The following GLT8D2 variants were observed in gnomAD, a reference collection of about 807,000 sequenced individuals.
The protein encoded by GLT8D2 is glycosyltransferase 8 domain-containing protein 2.
Under a neutral mutation model 44.5 loss-of-function variants are expected in GLT8D2, and 45 were observed. The observed-to-expected ratio is 1.01, with a 90% CI of 0.80 to 1.30. The LOEUF is 1.30. GLT8D2 is among the 50% of genes most tolerant of loss of function. GLT8D2 has a pLI of 0.00. For synonymous variants in GLT8D2, 156 were observed against 157.2 expected, an observed-to-expected ratio of 0.99 and a Z score of 0.06; for missense variants, 400 against 430.4, an observed-to-expected ratio of 0.93 and a Z score of 0.62.
At chr12:104,012,469 T>C (rs561350267) in intron 4 of GLT8D2, 8 of 213,216 alleles carry the variant, frequency 3.8e-5, no homozygotes, top group Non-Finnish European at 6.4e-5. Flanking sequence ...GTGCATTTCT[T>C]TGGAGCTGTT....
chr12:104,047,305 C>CT (rs35333809), intron 1 of GLT8D2, among the ~76,000 whole-genome samples: 15,595 of 130,784 alleles, frequency 0.12, 1,722 homozygotes, highest in East Asian at 0.41. Context: ...TCTCTTAGGC[C>CT]TTTTTTTTTT....
chr12:104,048,964 T>C (rs1881448606), intron 1 of GLT8D2, among the ~76,000 whole-genome samples: 1 of 152,174 alleles, frequency 6.6e-6, no homozygotes, highest in African/African-American at 2.4e-5. Flanking sequence ...GTAGATTCAG[T>C]CCTGTAAGCC....
chr12:103,991,166 A>G (rs1009136118), intron 10 of GLT8D2, among the ~76,000 whole-genome samples: 1 of 152,084 alleles, frequency 6.6e-6, no homozygotes, highest in African/African-American at 2.4e-5. Flanking sequence ...GTCCCTTCCT[A>G]CTTGTCAGTA....
At chr12:104,030,842 T>G (rs1204154404) in intron 1 of GLT8D2, 1 of 1,589,426 alleles carries the variant, frequency 6.3e-7, no homozygotes, top group Non-Finnish European at 8.6e-7. Context: ...GGAGAACCGC[T>G]TCAGCGGCTG....
At chr12:103,989,657 G>A in intron 10 of GLT8D2, 80 bp from the exon 11 acceptor site, 1 of 1,267,620 alleles carries the variant, frequency 7.9e-7, no homozygotes, top group South Asian at 1.5e-5. Context: ...CAAGTTCATA[G>A]TTTAAAAAAA....
chr12:104,006,757 G>A (rs965984482), intron 4 of GLT8D2, among the ~76,000 whole-genome samples: 2 of 152,192 alleles, frequency 1.3e-5, no homozygotes, highest in African/African-American at 4.8e-5. Flanking sequence ...GGGTCATAGT[G>A]TTGGATTCTA....
intron 1 of GLT8D2, among the ~76,000 whole-genome samples, chr12:104,027,898 A>T (rs1878773114): frequency 1.3e-5 from 2 of 152,188 alleles, no homozygotes; most frequent in South Asian, 4.1e-4. Flanking sequence ...GGTTAGGAGA[A>T]TTGGGGTCCA....
In GLT8D2 at chr12:103,989,380, C is replaced by A; in HGVS notation, c.*28G>T. 6.4e-7 allele frequency: 1 copy of A among 1,556,184 alleles called. No homozygotes were observed. Reference sequence around the variant, plus strand: ...AAAGGGACAATTCCACATTTCTATACAGGGAATATTTTAAGGGTAGAGTTA... The same window carrying A: ...AAAGGGACAATTCCACATTTCTATAAAGGGAATATTTTAAGGGTAGAGTTA... On this transcript the variant is annotated 3_prime_UTR_variant, in exon 11 of 11. Transcript: ENST00000360814.
intron 4 of GLT8D2, among the ~76,000 whole-genome samples, chr12:104,013,447 C>T (rs1215757554): frequency 6.6e-6 from 1 of 152,088 alleles, no homozygotes; most frequent in Non-Finnish European, 1.5e-5. Context: ...TTGTATCCCT[C>T]ACGAGTTGAT....
intron 1 of GLT8D2, among the ~76,000 whole-genome samples, chr12:104,058,701 G>A (rs866085360): frequency 6.6e-6 from 1 of 152,154 alleles, no homozygotes; most frequent in Non-Finnish European, 1.5e-5. Flanking sequence ...AACAGTCCAG[G>A]TAAATGACTC....
At chr12:104,015,669 T>C (rs1462854892) in intron 3 of GLT8D2, among the ~76,000 whole-genome samples, 1 of 152,174 alleles carries the variant, frequency 6.6e-6, no homozygotes, top group African/African-American at 2.4e-5. Flanking sequence ...ATATCAGTTC[T>C]AATAGTTTTT....
At chr12:104,049,261 T>TC (rs1440361550) in intron 1 of GLT8D2, among the ~76,000 whole-genome samples, 4 of 152,106 alleles carry the variant, frequency 2.6e-5, no homozygotes, top group African/African-American at 9.7e-5. Flanking sequence ...GGTTTTTTTT[T>TC]TTTTACTCTC....
At chr12:104,043,064 C>T (rs373720900) in intron 1 of GLT8D2, among the ~76,000 whole-genome samples, 2 of 152,166 alleles carry the variant, frequency 1.3e-5, no homozygotes, top group Admixed American at 6.5e-5. Context: ...ACTATGTGCC[C>T]GCTCTCTCCT....
At chr12:104,019,571 T>A in intron 3 of GLT8D2, 59 bp downstream of exon 3, 1 of 1,396,934 alleles carries the variant, frequency 7.2e-7, no homozygotes, top group Non-Finnish European at 1.0e-6. Flanking sequence ...AGCCCCAGCC[T>A]CAAAACCATC....
chr12:104,020,001 T>C (rs1166906335), intron 2 of GLT8D2, among the ~76,000 whole-genome samples: 1 of 151,974 alleles, frequency 6.6e-6, no homozygotes, highest in Non-Finnish European at 1.5e-5. Flanking sequence ...CTCACTGCAA[T>C]CTCCCCCTCC....
At chr12:104,045,328 C>T (rs948002362) in intron 1 of GLT8D2, among the ~76,000 whole-genome samples, 1 of 152,162 alleles carries the variant, frequency 6.6e-6, no homozygotes, top group African/African-American at 2.4e-5. Context: ...TGTGAGCTTT[C>T]CTAGCCCTAG....
chr12:104,043,117 C>G (rs1003156474), intron 1 of GLT8D2, among the ~76,000 whole-genome samples: 2 of 152,194 alleles, frequency 1.3e-5, no homozygotes, highest in African/African-American at 4.8e-5. Context: ...CTCGGCTCAC[C>G]TGCTTTTCCT....
chr12:103,989,521 G>A lies in GLT8D2; in HGVS notation c.937C>T (p.His313Tyr), dbSNP rs997485235. The A allele has an allele frequency of 8.1e-6, 13 of 1,613,524 alleles. No homozygotes were observed. Among genetic ancestry groups the A allele is most frequent in the Non-Finnish European group, 1.1e-5 (13 of 1,179,660 alleles). The change falls in exon 11 of 11, where the codon CAC becomes TAC. Residue 313 changes from histidine to tyrosine, a missense_variant. Physicochemically the swap from His to Tyr is moderately conservative, Grantham distance 83 (BLOSUM62 2). Coordinates refer to ENST00000360814, the MANE Select transcript of GLT8D2 (RefSeq NM_001384711.1). ...CAAGGTTTATGTCTTCCATTCCAGTGGAGTAATTTAGCTTCCTGCAGAAAA... is the reference window on the plus strand; with the variant it reads ...CAAGGTTTATGTCTTCCATTCCAGTAGAGTAATTTAGCTTCCTGCAGAAAA... ...EHFLQEAKLLHWNGRHKPWDF... is the reference protein window; with the variant it reads ...EHFLQEAKLLYWNGRHKPWDF...
chr12:104,036,199 C>A (rs1285957128), intron 1 of GLT8D2, among the ~76,000 whole-genome samples: 1 of 152,188 alleles, frequency 6.6e-6, no homozygotes, highest in African/African-American at 2.4e-5. Flanking sequence ...TCAACCACTG[C>A]AAAAACATGC....
Sources: gnomAD v4.1 joint callset for allele counts (sites outside exome capture counted in the v4.1 genomes callset) on GRCh38, gnomAD v4.1.1 for gene constraint, MANE v1.5 for transcripts, NCBI Gene and HGNC (gene_info 2026-07-23, HGNC 2026-07-21) for gene names.